The following MAP3K10 variants were observed in gnomAD, a reference collection of about 807,000 sequenced individuals.
MAP3K10 encodes the protein MKN28 derived nonreceptor_type serine/threonine kinase.
MAP3K10 carries 22 observed loss-of-function variants against 75.0 expected under a neutral mutation model. That is an observed-to-expected ratio of 0.29 (90% CI 0.21 to 0.42). MAP3K10 has a LOEUF of 0.42. Among genes scored for constraint, MAP3K10 ranks in the 10% least tolerant of loss-of-function variants. MAP3K10 has a pLI of 1.00. For synonymous variants in MAP3K10, 599 were observed against 612.9 expected (o/e 0.98, Z 0.34); for missense variants, 1,165 against 1,379.8 (o/e 0.84, Z 2.47).
At chr19:40,196,786 T>C (rs1042163167) in intron 1 of MAP3K10, among the ~76,000 whole-genome samples, 2 of 152,176 alleles carry the variant, frequency 1.3e-5, no homozygotes, top group African/African-American at 4.8e-5. Context: ...CCCAAAGTGC[T>C]GGGATTACAG....
In MAP3K10 at chr19:40,206,268, C is replaced by T. The variant is rs978143434; in HGVS notation, c.1435+111C>T. ...AACTTGTTTTTATTGCTAAATATAT[C>T]GCACATAGTCAGTGATCAGCCCAGT... is the stretch of plus-strand genomic sequence containing the variant. On this transcript the variant is annotated intron_variant, in intron 5 of 9. Coordinates refer to ENST00000253055, the MANE Select transcript of MAP3K10 (RefSeq NM_002446.4). 2.3e-5 allele frequency: 30 copies of T among 1,321,018 alleles called. No homozygotes were observed. In the African/African-American group the frequency reaches 3.4e-4, roughly 15 times the overall value. The allele number at this position is 1,321,018 out of a possible 1,614,324, so 81.8% of individuals were successfully genotyped here. A position where few individuals can be genotyped will look rare whatever the true frequency, so the allele number is the denominator to read the frequency against.
Position 40,210,799 on chromosome 19 carries a change from A to G in MAP3K10, c.1552+1580A>G, listed in dbSNP as rs568031840. Among the ~76,000 whole-genome samples, 12 of 152,258 alleles carry G rather than the reference A, an allele frequency of 7.9e-5. 1 individual carries two copies. Among genetic ancestry groups the G allele is most frequent in the East Asian group, 5.8e-4 (3 of 5,182 alleles). ...GGATATCCACGCTCATGCAGAGAGC[A>G]AACTCACCCTTCCTCTGCCTTCCTA... is the stretch of plus-strand genomic sequence containing the variant. On this transcript the variant is annotated intron_variant, in intron 6 of 9. Transcript: ENST00000253055.
chr19:40,212,290 T>A lies in MAP3K10; in HGVS notation c.1553-515T>A, dbSNP rs1233668713. Among the ~76,000 whole-genome samples the A allele has an allele frequency of 1.3e-5, 2 of 152,070 alleles. No individual in the cohort carries two copies. Among genetic ancestry groups the A allele is most frequent in the Non-Finnish European group, 2.9e-5 (2 of 67,992 alleles). Reference sequence around the variant, plus strand: ...CTAGCTCCCAAGTTCCAACACCTCATTCACCCCAGCACTGTCCCCACCCAC... The same window carrying A: ...CTAGCTCCCAAGTTCCAACACCTCAATCACCCCAGCACTGTCCCCACCCAC... On this transcript the variant is annotated intron_variant, in intron 6 of 9. Transcript: ENST00000253055. This position sits in a 1 kb window ranked among gnomAD's most constrained non-coding sequence, Gnocchi z 4.2.
At chr19:40,201,815 T>TA (rs1174726496) in intron 2 of MAP3K10, among the ~76,000 whole-genome samples, 6 of 147,132 alleles carry the variant, frequency 4.1e-5, no homozygotes, top group Non-Finnish European at 7.5e-5. Flanking sequence ...TTTTTTTTTT[T>TA]AATTTTAAGT....
At position 40,215,054 on chromosome 19, in the gene MAP3K10, G is replaced by T; in HGVS notation, c.2627G>T (p.Gly876Val). 6.2e-7 allele frequency: 1 copy of T among 1,603,940 alleles called. No homozygotes were observed. The highest frequency in any genetic ancestry group is 8.5e-7 in the Non-Finnish European group (1 of 1,175,586). Residue 876 changes from glycine (G) to valine (V), a missense_variant, in exon 10 of 10, where the codon GGC (glycine) becomes GTC (valine). Physicochemically the swap from Gly to Val is moderately radical, Grantham distance 109. Coordinates refer to ENST00000253055, the MANE Select transcript of MAP3K10 (RefSeq NM_002446.4). ...CGCCGCCGGCCCCCTGAGTTCCCAG[G>T]CCGCCCCACCACCCTGACCTTTGCC... is the stretch of plus-strand genomic sequence containing the variant. ...PARRRPPEFP[G>V]RPTTLTFAPR...
Position 40,192,387 on chromosome 19 carries a change from G to A in MAP3K10, c.356G>A (p.Gly119Asp). The A allele has an allele frequency of 6.2e-7, 1 of 1,613,920 alleles. No homozygotes were observed. Among genetic ancestry groups the A allele is most frequent in the Non-Finnish European group, 8.5e-7 (1 of 1,179,950 alleles). ...AAGGTCTATCGGGCCCTGTGGCGTG[G>A]CGAGGAGGTGGCAGTCAAGGCCGCC... ...FGKVYRALWR[G>D]EEVAVKAARL... Residue 119 changes from glycine (G) to aspartate (D), a missense_variant, in exon 1 of 10, where the codon GGC becomes GAC. By Grantham distance (94) the Gly-to-Asp change is moderately conservative. Transcript: ENST00000253055. This position sits in a 1 kb window ranked among gnomAD's most constrained non-coding sequence, Gnocchi z 7.1.
chr19:40,192,388 C>T lies in MAP3K10; in HGVS notation c.357C>T (p.Gly119=), dbSNP rs758317349. The change falls in exon 1 of 10, where the codon GGC becomes GGT. Residue 119 remains glycine, a synonymous_variant. Coordinates refer to ENST00000253055, the MANE Select transcript of MAP3K10 (RefSeq NM_002446.4). This position sits in a 1 kb window ranked among gnomAD's most constrained non-coding sequence, Gnocchi z 7.1. ...AGGTCTATCGGGCCCTGTGGCGTGGCGAGGAGGTGGCAGTCAAGGCCGCCC... is the reference window on the plus strand; with the variant it reads ...AGGTCTATCGGGCCCTGTGGCGTGGTGAGGAGGTGGCAGTCAAGGCCGCCC... ...FGKVYRALWR[G]EEVAVKAARL... is the part of the protein sequence containing the mutation. 1 of 1,613,782 alleles carries T rather than the reference C, an allele frequency of 6.2e-7. No individual in the cohort carries two copies. The highest frequency in any genetic ancestry group is 1.1e-5 in the South Asian group (1 of 91,078).
In MAP3K10 at chr19:40,191,995, T is replaced by A. The variant is rs1972823414; in HGVS notation, c.-37T>A. ...CCCTCTGCATCCCGCGGGCAGCCTG[T>A]GTGAAGCGGCCTCCCGCAGCCCCCG... On this transcript the variant is annotated 5_prime_UTR_variant, in exon 1 of 10. Transcript: ENST00000253055. 7.6e-7 allele frequency: 1 copy of A among 1,318,884 alleles called. No individual in the cohort carries two copies. 81.7% of individuals were successfully genotyped at this position (1,318,884 alleles called of 1,614,324 possible).
At position 40,204,039 on chromosome 19, in the gene MAP3K10, G is replaced by T. The variant is rs1973072210; in HGVS notation, c.864-446G>T. On this transcript the variant is annotated intron_variant, in intron 2 of 9. Coordinates refer to ENST00000253055, the MANE Select transcript of MAP3K10 (RefSeq NM_002446.4). The surrounding 1 kb of genome is among the most constrained non-coding windows in gnomAD (Gnocchi z 4.3). ...GAGTGTTTGGAAGTGAGGCTGCAGG[G>T]GTCATCAAAGGCCAGGGCCAAGAAG... 6.6e-6 allele frequency among the ~76,000 whole-genome samples: 1 copy of T among 152,160 alleles called. No individual in the cohort carries two copies. Among genetic ancestry groups the T allele is most frequent in the African/African-American group, 2.4e-5 (1 of 41,438 alleles).
intron 9 of MAP3K10, 61 bp from the exon 10 acceptor site, chr19:40,214,909 G>A: frequency 2.6e-6 from 2 of 755,374 alleles, no homozygotes. Context: ...TAACAGCTCT[G>A]GGCTTTTTAA....
In MAP3K10 at chr19:40,205,882, T is replaced by TC. The variant is rs1415603115; in HGVS notation, c.1189-23dup. On this transcript the variant is annotated intron_variant, in intron 4 of 9. Coordinates refer to ENST00000253055, the MANE Select transcript of MAP3K10 (RefSeq NM_002446.4). The surrounding 1 kb of genome is among the most constrained non-coding windows in gnomAD (Gnocchi z 4.3). ...CCAGGAAGCAGAGCAGCTAAGCCCC[T>TC]CCCCCCAGCCACCGCCTCTCCTTCC... is the stretch of plus-strand genomic sequence containing the variant. 2.7e-6 allele frequency: 4 copies of TC among 1,495,066 alleles called. No individual in the cohort carries two copies. The African/African-American group carries it at 4.2e-5, about 16-fold the overall frequency. The allele number at this position is 1,495,066 out of a possible 1,614,324, so 92.6% of individuals were successfully genotyped here.
In MAP3K10 at chr19:40,215,558, G is replaced by A; in HGVS notation, c.*266G>A. ...ATTTGGCACAAAATGGAGCATTAAA[G>A]GTAACCCCTGCCCCCTACCGCACTT... On this transcript the variant is annotated 3_prime_UTR_variant, in exon 10 of 10. Transcript: ENST00000253055. 1 of 481,970 alleles carries A rather than the reference G, an allele frequency of 2.1e-6. No individual in the cohort carries two copies. The highest frequency in any genetic ancestry group is 3.7e-6 in the Non-Finnish European group (1 of 267,984). 29.9% of individuals were successfully genotyped at this position (481,970 alleles called of 1,614,324 possible).
In MAP3K10 at chr19:40,212,564, G is replaced by A. The variant is rs139613036; in HGVS notation, c.1553-241G>A. Among the ~76,000 whole-genome samples the A allele has an allele frequency of 3.0e-4, 46 of 152,370 alleles. No homozygotes were observed. The East Asian group carries it at 8.1e-3, about 27-fold the overall frequency. On this transcript the variant is annotated intron_variant, in intron 6 of 9. Coordinates refer to ENST00000253055, the MANE Select transcript of MAP3K10 (RefSeq NM_002446.4). This position sits in a 1 kb window ranked among gnomAD's most constrained non-coding sequence, Gnocchi z 4.2. ...GGTTAGGCTGTGAAGAGGAGGGGAGGCTGGAGGAGTTGGCAGGGAACCGCT... is the reference window on the plus strand; with the variant it reads ...GGTTAGGCTGTGAAGAGGAGGGGAGACTGGAGGAGTTGGCAGGGAACCGCT...
rs1354091368 is a variant in MAP3K10 at position 40,198,340 on chromosome 19, G to A, written c.683-35G>A. 6.3e-7 allele frequency: 1 copy of A among 1,589,186 alleles called. No homozygotes were observed. On this transcript the variant is annotated intron_variant, in intron 1 of 9. Transcript: ENST00000253055. This position sits in a 1 kb window ranked among gnomAD's most constrained non-coding sequence, Gnocchi z 4.3. ...AACACTTGGGTCTGCGGCGTGGCAG[G>A]TCTGGGGTGACCCACCTTTCTTCCC... is the stretch of plus-strand genomic sequence containing the variant.
chr19:40,205,867 G>A lies in MAP3K10; in HGVS notation c.1189-44G>A. On this transcript the variant is annotated intron_variant, in intron 4 of 9. Coordinates refer to ENST00000253055, the MANE Select transcript of MAP3K10 (RefSeq NM_002446.4). This position sits in a 1 kb window ranked among gnomAD's most constrained non-coding sequence, Gnocchi z 4.3. Reference sequence around the variant, plus strand: ...GCCCTGGGTCCCTCCCCAGGAAGCAGAGCAGCTAAGCCCCTCCCCCCAGCC... The same window carrying A: ...GCCCTGGGTCCCTCCCCAGGAAGCAAAGCAGCTAAGCCCCTCCCCCCAGCC... The A allele has an allele frequency of 6.8e-7, 1 of 1,470,146 alleles. No individual in the cohort carries two copies. 91.1% of individuals were successfully genotyped at this position (1,470,146 alleles called of 1,614,324 possible).
In MAP3K10 at chr19:40,213,446, G is replaced by C; in HGVS notation, c.1838-71G>C. ...GCTGTTGGAGGGGTCATCGGGGGCT[G>C]TCCCTTGGCACAAGTCCCCGTGGGG... On this transcript the variant is annotated intron_variant, in intron 8 of 9. Transcript: ENST00000253055. This position sits in a 1 kb window ranked among gnomAD's most constrained non-coding sequence, Gnocchi z 5.7. 1 of 1,574,758 alleles carries C rather than the reference G, an allele frequency of 6.4e-7. No homozygotes were observed. Among genetic ancestry groups the C allele is most frequent in the Non-Finnish European group, 8.6e-7 (1 of 1,165,764 alleles).
chr19:40,213,798 G>T lies in MAP3K10; in HGVS notation c.2119G>T (p.Asp707Tyr). ...CGGTGAGGAGCAGCGGCGCTGGCTC[G>T]ACGGCCTCTTCTTTCCCCGCGCCGG... ...ADGEEQRRWLDGLFFPRAGRF... is the reference protein window; with the variant it reads ...ADGEEQRRWLYGLFFPRAGRF... Residue 707 changes from aspartate (D) to tyrosine (Y), a missense_variant, in exon 9 of 10, where the codon GAC (aspartate) becomes TAC (tyrosine). This residue lies in a region of MAP3K10 where 590 missense variants were observed against 586.6 expected (regional missense o/e 1.01). Transcript: ENST00000253055. This position sits in a 1 kb window ranked among gnomAD's most constrained non-coding sequence, Gnocchi z 5.7. 2.4e-6 allele frequency: 3 copies of T among 1,274,636 alleles called. No homozygotes were observed. Among genetic ancestry groups the T allele is most frequent in the South Asian group, 3.6e-5 (2 of 55,102 alleles). 79.0% of individuals were successfully genotyped at this position (1,274,636 alleles called of 1,614,324 possible). A position where few individuals can be genotyped will look rare whatever the true frequency, so the allele number is the denominator to read the frequency against.
chr19:40,207,898 A>T (rs73042686), intron 5 of MAP3K10, among the ~76,000 whole-genome samples: 6,003 of 149,650 alleles, frequency 0.04, 230 homozygotes, highest in African/African-American at 0.097. Context: ...TTCATTAAAA[A>T]TTTTTTTTTT....
chr19:40,214,007 A>ACCCCCCCCCCCCCCCC lies in MAP3K10; in HGVS notation c.2330_2331insCCCCCCCCCCCCCCCC (p.Ser779ProfsTer78). 1.2e-5 allele frequency: 6 copies of ACCCCCCCCCCCCCCCC among 512,944 alleles called. No homozygotes were observed. The highest frequency in any genetic ancestry group is 5.8e-5 in the Admixed American group (1 of 17,364). The allele number at this position is 512,944 out of a possible 1,614,324, so 31.8% of individuals were successfully genotyped here. A position where few individuals can be genotyped will look rare whatever the true frequency, so the allele number is the denominator to read the frequency against. ...AGGCCGCACCGGCCGCGCCCTCCCC[A>ACCCCCCCCCCCCCCCC]CCACCCTCCCCGCCCGCGCCCACAC... On this transcript the variant is annotated frameshift_variant, in exon 9 of 10. Transcript: ENST00000253055. LOFTEE classifies it high-confidence loss of function.
Sources: gnomAD v4.1 joint callset for allele counts (sites outside exome capture counted in the v4.1 genomes callset) on GRCh38, gnomAD v4.1.1 for gene constraint, gnomAD v4.1.1 regional missense constraint, Gnocchi (gnomAD v3.1) non-coding constraint, MANE v1.5 for transcripts, NCBI Gene and HGNC (gene_info 2026-07-23, HGNC 2026-07-21) for gene names.